The following NCKAP1 variants were observed in gnomAD, a reference collection of about 807,000 sequenced individuals.
The protein encoded by NCKAP1 is NCK associated protein 1.
A neutral mutation model predicts 151.2 loss-of-function variants in NCKAP1; 21 were observed. The ratio of observed to expected loss-of-function variants is 0.14; its 90% CI spans 0.10 to 0.20. The LOEUF is 0.20. NCKAP1 is among the 10% of genes least tolerant of loss of function. NCKAP1 has a pLI of 1.00. For synonymous variants in NCKAP1, 484 were observed against 451.8 expected (o/e 1.07, Z -0.90); for missense variants, 933 against 1,352.1 (o/e 0.69, Z 4.86).
At chr2:182,948,105 C>A (rs183974795) in intron 23 of NCKAP1, among the ~76,000 whole-genome samples, 1 of 151,812 alleles carries the variant, frequency 6.6e-6, no homozygotes, top group African/African-American at 2.4e-5. Flanking sequence ...GATGAAGGCA[C>A]AATATTAAAA....
At position 183,019,188 on chromosome 2, in the gene NCKAP1, A is replaced by G. The variant is rs976252167; in HGVS notation, c.219+4618T>C. On this transcript the variant is annotated intron_variant, in intron 2 of 30. Coordinates refer to ENST00000361354, the MANE Select transcript of NCKAP1 (RefSeq NM_013436.5). The stretch of plus-strand genomic sequence containing the variant: ...TCTAATTCAGCATACATAGGATAGT[A>G]ATTTTTATCATTTCCTCATTAATTT... Among the ~76,000 whole-genome samples, 10 of 152,306 alleles carry G rather than the reference A, an allele frequency of 6.6e-5. No individual in the cohort carries two copies. The East Asian group carries it at 1.7e-3, about 26-fold the overall frequency.
In NCKAP1 at chr2:182,986,185, T is replaced by C. The variant is rs111408780; in HGVS notation, c.990A>G (p.Ala330=). ...RINDIRECKE[A]AVSHAGSMHR... ...AAACTACTCACGCATGTGACACGGC[T>C]GCCTCCTTGCATTCTCTTATGTCAT... is the stretch of plus-strand genomic sequence containing the variant. The change falls in exon 10 of 31, where the codon GCA becomes GCG. Residue 330 remains alanine (A), a synonymous_variant. Transcript: ENST00000361354. 2 of 1,613,862 alleles carry C rather than the reference T, an allele frequency of 1.2e-6. No homozygotes were observed. Among genetic ancestry groups the C allele is most frequent in the Non-Finnish European group, 1.7e-6 (2 of 1,179,824 alleles).
At chr2:183,028,182 C>T (rs558405334) in intron 1 of NCKAP1, among the ~76,000 whole-genome samples, 12 of 151,232 alleles carry the variant, frequency 7.9e-5, no homozygotes, top group South Asian at 2.1e-4. Flanking sequence ...TTTTATAGCC[C>T]TACCAAAAAA....
chr2:182,993,271 G>C (rs1318355353), intron 8 of NCKAP1, among the ~76,000 whole-genome samples: 2 of 152,140 alleles, frequency 1.3e-5, no homozygotes, highest in Non-Finnish European at 2.9e-5. Flanking sequence ...TATGCAGTAA[G>C]TTTTGCTTTT....
chr2:183,038,145 C>G lies in NCKAP1; in HGVS notation c.-46G>C, dbSNP rs772169851. On this transcript the variant is annotated 5_prime_UTR_variant, in exon 1 of 31. Transcript: ENST00000361354. ...CGCCGCCGGCCGCCTCGCGCCCAGT[C>G]ACGGGCCCGCGGCCTTCGCAGCAGC... is the stretch of plus-strand genomic sequence containing the variant. 2.1e-6 allele frequency: 3 copies of G among 1,417,750 alleles called. No individual in the cohort carries two copies. The highest frequency in any genetic ancestry group is 3.0e-5 in the African/African-American group (2 of 67,436). The allele number at this position is 1,417,750 out of a possible 1,614,324, so 87.8% of individuals were successfully genotyped here.
chr2:182,914,971 G>A lies in NCKAP1; in HGVS notation c.*10731C>T, dbSNP rs1300801443. On this transcript the variant is annotated 3_prime_UTR_variant, in exon 31 of 31. Coordinates refer to ENST00000361354, the MANE Select transcript of NCKAP1 (RefSeq NM_013436.5). ...ACCAAGAGCAGATGTGATCATTTAA[G>A]CTGGGAATGCAGCCATACCGGGTGT... is the stretch of plus-strand genomic sequence containing the variant. The A allele has an allele frequency of 6.6e-6, 1 of 152,174 alleles. No homozygotes were observed. The highest frequency in any genetic ancestry group is 2.4e-5 in the African/African-American group (1 of 41,426). 9.4% of individuals were successfully genotyped at this position (152,174 alleles called of 1,614,324 possible).
intron 17 of NCKAP1, among the ~76,000 whole-genome samples, chr2:182,964,281 A>T (rs1250546760): frequency 6.6e-6 from 1 of 152,154 alleles, no homozygotes; most frequent in African/African-American, 2.4e-5. Flanking sequence ...AGTAATAATA[A>T]GTTAGTGAAT....
chr2:182,961,175 G>C (rs1248004877), intron 18 of NCKAP1, among the ~76,000 whole-genome samples: 3 of 152,254 alleles, frequency 2.0e-5, no homozygotes, highest in East Asian at 3.9e-4. Context: ...TCAGTGTGGC[G>C]ATTCCTCAAG....
chr2:183,014,362 T>A (rs1467667995), intron 2 of NCKAP1, among the ~76,000 whole-genome samples: 1 of 152,138 alleles, frequency 6.6e-6, no homozygotes, highest in East Asian at 1.9e-4. Flanking sequence ...TGAAAGAACA[T>A]GGGAAAGAGA....
chr2:182,967,329 G>A lies in NCKAP1; in HGVS notation c.1515C>T (p.Gly505=). 6.2e-7 allele frequency: 1 copy of A among 1,609,972 alleles called. No homozygotes were observed. The part of the protein sequence containing the change: ...AYTSVSKASL[G]LADHRELGKM... ...TTCCAAGTTCTCTGTGATCTGCAAG[G>A]CCAAGTGAAGCCTTTGAGACACTAG... Residue 505 remains glycine, a synonymous_variant, in exon 16 of 31, where the codon GGC becomes GGT. Transcript: ENST00000361354.
rs775086984 is a variant in NCKAP1 at position 182,983,375 on chromosome 2, T to C, written c.1012A>G (p.Met338Val). The C allele has an allele frequency of 1.1e-5, 17 of 1,608,756 alleles. No homozygotes were observed. In the African/African-American group the frequency reaches 1.1e-4, roughly 10 times the overall value. ...KEAAVSHAGS[M>V]HRERRKFLRS... ...AAAAACTTGCGTCTTTCTCTGTGCA[T>C]TGAACCACTATGGGGAAAGACACCA... Residue 338 changes from methionine to valine, a missense_variant, in exon 11 of 31, where the codon ATG becomes GTG. Physicochemically the swap from Met to Val is conservative, Grantham distance 21 (BLOSUM62 1). This residue lies in a region of NCKAP1 where 607 missense variants were observed against 795.0 expected (regional missense o/e 0.76). Transcript: ENST00000361354.
chr2:183,006,851 A>C (rs1698481638), intron 2 of NCKAP1, among the ~76,000 whole-genome samples: 1 of 152,140 alleles, frequency 6.6e-6, no homozygotes, highest in Non-Finnish European at 1.5e-5. Flanking sequence ...GAAAAAATTG[A>C]TTCTATTCAC....
rs553322586 is a variant in NCKAP1, at chr2:182,997,354, T to C, written c.604-1516A>G. Among the ~76,000 whole-genome samples the C allele has an allele frequency of 4.6e-5, 7 of 152,342 alleles. No individual in the cohort carries two copies. In the East Asian group the frequency reaches 5.8e-4, roughly 13 times the overall value. On this transcript the variant is annotated intron_variant, in intron 6 of 30. Coordinates refer to ENST00000361354, the MANE Select transcript of NCKAP1 (RefSeq NM_013436.5). The stretch of plus-strand genomic sequence containing the variant: ...TAAGTGCAAGGTTAGGTTATTAATT[T>C]GAGCTATTTTTATCATCGTTTTAGT...
intron 15 of NCKAP1, among the ~76,000 whole-genome samples, chr2:182,972,066 T>C (rs1010748355): frequency 6.6e-6 from 1 of 151,414 alleles, no homozygotes; most frequent in African/African-American, 2.4e-5. Context: ...AATGGATAAA[T>C]AGGATCACAT....
intron 30 of NCKAP1, 109 bp from the exon 31 acceptor site, chr2:182,925,927 A>T (rs1360102542): frequency 3.9e-6 from 2 of 517,292 alleles, no homozygotes; most frequent in Non-Finnish European, 3.4e-6. Context: ...GTAAGGCATA[A>T]CTTCTATATT....
At chr2:182,946,414 A>G (rs77535239) in intron 23 of NCKAP1, among the ~76,000 whole-genome samples, 6,723 of 151,302 alleles carry the variant, frequency 0.044, 197 homozygotes, top group South Asian at 0.13. Context: ...AAAAAAAAGG[A>G]GCGACACACA....
At chr2:182,935,265 C>T (rs1000997978) in intron 25 of NCKAP1, 28 bp downstream of exon 25, 24 of 1,408,794 alleles carry the variant, frequency 1.7e-5, no homozygotes, top group Non-Finnish European at 2.2e-5. Context: ...GTTTGGATAC[C>T]GAGTATATAC....
intron 23 of NCKAP1, 67 bp downstream of exon 23, chr2:182,952,338 C>T: frequency 9.9e-7 from 1 of 1,006,632 alleles, no homozygotes; most frequent in Non-Finnish European, 1.5e-6. Flanking sequence ...AGGCTTGTTG[C>T]TCATATCCCT....
At chr2:182,926,514 AAG>A (rs1696651775) in intron 30 of NCKAP1, among the ~76,000 whole-genome samples, 1 of 152,044 alleles carries the variant, frequency 6.6e-6, no homozygotes, top group Non-Finnish European at 1.5e-5. Context: ...AGAAAACTGG[AAG>A]AGAGGTGACA....
Sources: allele counts gnomAD v4.1 joint callset (sites outside exome capture counted in the v4.1 genomes callset), GRCh38; gene constraint gnomAD v4.1.1; regional missense constraint gnomAD v4.1.1; transcripts MANE v1.5; gene names NCBI Gene and HGNC (gene_info 2026-07-23, HGNC 2026-07-21).